The following HDAC4 variants were observed in gnomAD, a reference collection of about 807,000 sequenced individuals.
HDAC4 encodes histone deacetylase 4, also known as histone deacetylase A.
In HDAC4, 16 loss-of-function variants were observed where a neutral mutation model predicts 135.1. The observed-to-expected ratio is 0.12, with a 90% CI of 0.08 to 0.18. HDAC4 has a LOEUF of 0.18. Among genes scored for constraint, HDAC4 ranks in the 10% least tolerant of loss-of-function variants. The pLI, the probability that HDAC4 is intolerant of heterozygous loss-of-function variation, is 1.00. For missense variants in HDAC4, 1,143 were observed against 1,511.8 expected (o/e 0.76, Z 4.05); for synonymous variants, 685 against 653.4 (o/e 1.05, Z -0.74).
intron 24 of HDAC4, among the ~76,000 whole-genome samples, chr2:239,059,181 G>C (rs2032305863): frequency 6.6e-6 from 1 of 152,216 alleles, no homozygotes; most frequent in African/African-American, 2.4e-5. Flanking sequence ...CACGATGTGA[G>C]ATGCGGCTGG....
intron 5 of HDAC4, among the ~76,000 whole-genome samples, chr2:239,169,231 CA>C (rs2043298008): frequency 6.6e-6 from 1 of 152,174 alleles, no homozygotes; most frequent in Admixed American, 6.5e-5. Context: ...TTCCCTACTC[CA>C]AAGAAAAATA....
Position 239,139,850 on chromosome 2 carries a change from T to C in HDAC4, c.866-54A>G, listed in dbSNP as rs2041239108. 4 of 1,497,524 alleles carry C rather than the reference T, an allele frequency of 2.7e-6. No individual in the cohort carries two copies. Among genetic ancestry groups the C allele is most frequent in the Non-Finnish European group, 3.7e-6 (4 of 1,076,118 alleles). The allele number at this position is 1,497,524 out of a possible 1,614,324, so 92.8% of individuals were successfully genotyped here. A position where few individuals can be genotyped will look rare whatever the true frequency, so the allele number is the denominator to read the frequency against. Reference sequence around the variant, plus strand: ...GTTACTCCATGCGGAGGGAGGGCCGTGCTGACCTGTGGCCCGAATGCCCGG... The same window carrying C: ...GTTACTCCATGCGGAGGGAGGGCCGCGCTGACCTGTGGCCCGAATGCCCGG... On this transcript the variant is annotated intron_variant, in intron 8 of 26. Transcript: ENST00000543185. This position sits in a 1 kb window ranked among gnomAD's most constrained non-coding sequence, Gnocchi z 5.3.
chr2:239,295,872 A>G (rs2051857864), intron 2 of HDAC4, among the ~76,000 whole-genome samples: 1 of 152,140 alleles, frequency 6.6e-6, no homozygotes, highest in Non-Finnish European at 1.5e-5. Flanking sequence ...AGAGCCCTTC[A>G]TTGTCTTTCT....
chr2:239,191,528 G>A (rs1423630359), intron 3 of HDAC4, among the ~76,000 whole-genome samples: 2 of 152,256 alleles, frequency 1.3e-5, no homozygotes, highest in East Asian at 1.9e-4. Flanking sequence ...ACCACTGGAG[G>A]TCCTGGTCCC....
chr2:239,109,313 T>G (rs973512017), intron 14 of HDAC4, among the ~76,000 whole-genome samples: 2 of 152,166 alleles, frequency 1.3e-5, no homozygotes, highest in African/African-American at 4.8e-5. Flanking sequence ...GTGAAGAGCC[T>G]GGGCAAGCTG....
rs2125696189 is a variant in HDAC4 at position 239,309,310 on chromosome 2, CGA to C, written c.22+43366_22+43367del. 1 of 152,136 alleles carries C rather than the reference CGA, an allele frequency of 6.6e-6. No homozygotes were observed. Among genetic ancestry groups the C allele is most frequent in the East Asian group, 2.0e-4 (1 of 5,110 alleles). 9.4% of individuals were successfully genotyped at this position (152,136 alleles called of 1,614,324 possible). ...GAGAGATCACCACAGTGTTTCGGCT[CGA>C]GAGTCACAAAGAACGCCCAGAACAC... On this transcript the variant is annotated intron_variant, in intron 2 of 26. Coordinates refer to ENST00000543185, the MANE Select transcript of HDAC4 (RefSeq NM_001378414.1). The surrounding 1 kb of genome is among the most constrained non-coding windows in gnomAD (Gnocchi z 4.2).
At chr2:239,219,735 C>T (rs890686372) in intron 3 of HDAC4, among the ~76,000 whole-genome samples, 2 of 152,150 alleles carry the variant, frequency 1.3e-5, no homozygotes, top group African/African-American at 2.4e-5. Context: ...AATGTGCAAT[C>T]GAGATATCGG....
chr2:239,231,042 C>A (rs928808848), intron 3 of HDAC4, among the ~76,000 whole-genome samples: 1 of 152,210 alleles, frequency 6.6e-6, no homozygotes, highest in Admixed American at 6.5e-5. Context: ...AACGCTGAAG[C>A]CAAACGTGAA....
At chr2:239,272,557 T>C (rs59184523) in intron 2 of HDAC4, among the ~76,000 whole-genome samples, 21,142 of 152,268 alleles carry the variant, frequency 0.14, 2,064 homozygotes, top group East Asian at 0.43. Context: ...TGTGAAAAGA[T>C]GACTGTCATC....
At chr2:239,072,916 C>T (rs2034344327) in intron 22 of HDAC4, among the ~76,000 whole-genome samples, 1 of 152,216 alleles carries the variant, frequency 6.6e-6, no homozygotes, top group African/African-American at 2.4e-5. Flanking sequence ...GGGCTACTCT[C>T]TAGAGGGCCA....
intron 24 of HDAC4, among the ~76,000 whole-genome samples, chr2:239,059,173 C>T (rs548578585): frequency 1.7e-4 from 26 of 152,142 alleles, no homozygotes; most frequent in Non-Finnish European, 2.9e-4. Context: ...CTACCTATCA[C>T]GATGTGAGAT....
At position 239,146,167 on chromosome 2, in the gene HDAC4, C is replaced by T. The variant is rs534002681; in HGVS notation, c.734-1453G>A. 1.3e-5 allele frequency among the ~76,000 whole-genome samples: 2 copies of T among 152,324 alleles called. No individual in the cohort carries two copies. The highest frequency in any genetic ancestry group is 2.4e-5 in the African/African-American group (1 of 41,558). ...GCCTAACACAACCGACCGAGGCAAGCGTAGATTCACAAGCTCCACTTCTAT... is the reference window on the plus strand; with the variant it reads ...GCCTAACACAACCGACCGAGGCAAGTGTAGATTCACAAGCTCCACTTCTAT... On this transcript the variant is annotated intron_variant, in intron 7 of 26. Transcript: ENST00000543185. The surrounding 1 kb of genome is among the most constrained non-coding windows in gnomAD (Gnocchi z 4.5).
chr2:239,228,571 G>C (rs1258038222), intron 3 of HDAC4, among the ~76,000 whole-genome samples: 1 of 152,134 alleles, frequency 6.6e-6, no homozygotes, highest in Non-Finnish European at 1.5e-5. Context: ...GAAGTGACTT[G>C]TCTCCAGGTG....
chr2:239,126,591 T>G lies in HDAC4; in HGVS notation c.1398A>C (p.Pro466=). 1 of 1,613,754 alleles carries G rather than the reference T, an allele frequency of 6.2e-7. No individual in the cohort carries two copies. The highest frequency in any genetic ancestry group is 2.2e-5 in the East Asian group (1 of 44,870). ...PSIHKLRQHR[P]LGRTQSAPLP... ...GCGGGGCCGACTGGGTCCGCCCCAG[T>G]GGGCGGTGCTGCCGCAGCTTGTGGA... is the stretch of plus-strand genomic sequence containing the variant. Residue 466 remains proline, a synonymous_variant, in exon 12 of 27, where the codon CCA becomes CCC. Coordinates refer to ENST00000543185, the MANE Select transcript of HDAC4 (RefSeq NM_001378414.1).
In HDAC4 at chr2:239,115,339, C is replaced by G; in HGVS notation, c.1534-29G>C. On this transcript the variant is annotated intron_variant, in intron 12 of 26. Coordinates refer to ENST00000543185, the MANE Select transcript of HDAC4 (RefSeq NM_001378414.1). The surrounding 1 kb of genome is among the most constrained non-coding windows in gnomAD (Gnocchi z 6.3). ...CAAGGCGGAGGTAACACATGAAGCA[C>G]AGAGAGCTGGGTCCTCTGAGCTCAT... 2 of 1,612,714 alleles carry G rather than the reference C, an allele frequency of 1.2e-6. No individual in the cohort carries two copies. The highest frequency in any genetic ancestry group is 1.7e-6 in the Non-Finnish European group (2 of 1,179,872).
At chr2:239,094,460 A>G (rs2036811195) in intron 17 of HDAC4, 10 of 992,284 alleles carry the variant, frequency 1.0e-5, no homozygotes, top group Non-Finnish European at 1.2e-5. Context: ...GGCCAGGTCC[A>G]TATCATCAGT....
In HDAC4 at chr2:239,167,406, C is replaced by T. The variant is rs1046919175; in HGVS notation, c.491-3483G>A. 7.9e-5 allele frequency among the ~76,000 whole-genome samples: 12 copies of T among 152,332 alleles called. No individual in the cohort carries two copies. The highest frequency in any genetic ancestry group is 2.6e-4 in the African/African-American group (11 of 41,580). ...AGGGCTGGGTGCTGGGCATGACTGG[C>T]GTTCATGCCCCATGCAGTGGGGGGC... On this transcript the variant is annotated intron_variant, in intron 5 of 26. Coordinates refer to ENST00000543185, the MANE Select transcript of HDAC4 (RefSeq NM_001378414.1). This position sits in a 1 kb window ranked among gnomAD's most constrained non-coding sequence, Gnocchi z 4.1.
At chr2:239,224,364 T>C (rs2153137571) in intron 3 of HDAC4, among the ~76,000 whole-genome samples, 1 of 152,332 alleles carries the variant, frequency 6.6e-6, no homozygotes. Flanking sequence ...GCATTCTCTG[T>C]GGCATACGTC....
rs1271860848 is a variant in HDAC4 at position 239,299,003 on chromosome 2, G to A, written c.22+53675C>T. ...CCTGCCTCAGCCTCCCGAGTAGCTG[G>A]GACTACAGGTGCCCGCCACCACGCC... On this transcript the variant is annotated intron_variant, in intron 2 of 26. Transcript: ENST00000543185. The surrounding 1 kb of genome is among the most constrained non-coding windows in gnomAD (Gnocchi z 4.0). 6.6e-6 allele frequency among the ~76,000 whole-genome samples: 1 copy of A among 151,424 alleles called. No individual in the cohort carries two copies. Among genetic ancestry groups the A allele is most frequent in the Non-Finnish European group, 1.5e-5 (1 of 67,916 alleles).
Sources: allele counts gnomAD v4.1 joint callset (sites outside exome capture counted in the v4.1 genomes callset), GRCh38; gene constraint gnomAD v4.1.1; non-coding constraint Gnocchi (gnomAD v3.1); transcripts MANE v1.5; gene names NCBI Gene and HGNC (gene_info 2026-07-23, HGNC 2026-07-21).